The following YAP1 variants were observed in gnomAD, a reference collection of about 807,000 sequenced individuals.
YAP1 encodes the protein Yes1 associated transcriptional regulator, also known as transcriptional coactivator YAP1.
In YAP1, 5 loss-of-function variants were observed where a neutral mutation model predicts 56.9. The observed-to-expected ratio is 0.09, with a 90% CI of 0.05 to 0.18. The LOEUF is 0.18. Ranked by LOEUF, YAP1 falls within the 10% of genes least tolerant of loss-of-function variation. The pLI is 1.00. For missense variants in YAP1, 539 were observed against 651.8 expected (o/e 0.83, Z 1.88); for synonymous variants, 265 against 248.1 (o/e 1.07, Z -0.64).
chr11:102,142,971 T>C (rs1945105139), intron 2 of YAP1, among the ~76,000 whole-genome samples: 1 of 152,132 alleles, frequency 6.6e-6, no homozygotes, highest in Non-Finnish European at 1.5e-5. Flanking sequence ...TAACGTGTGT[T>C]ACCTCTTTTA....
At chr11:102,183,014 A>G (rs940989884) in intron 3 of YAP1, among the ~76,000 whole-genome samples, 1 of 152,236 alleles carries the variant, frequency 6.6e-6, no homozygotes, top group Admixed American at 6.5e-5. Flanking sequence ...GCAGCTATTC[A>G]GGTATTAGCC....
chr11:102,160,114 C>T (rs1009612833), intron 2 of YAP1, among the ~76,000 whole-genome samples: 1 of 151,412 alleles, frequency 6.6e-6, no homozygotes, highest in African/African-American at 2.4e-5. Flanking sequence ...ACCTCTGCCC[C>T]CTGGGTTTAA....
intron 2 of YAP1, among the ~76,000 whole-genome samples, chr11:102,150,802 GTTT>G (rs370378973): frequency 9.3e-6 from 1 of 108,046 alleles, no homozygotes; most frequent in South Asian, 3.9e-4. Context: ...CATACAAATG[GTTT>G]TTTTTTTTTT....
chr11:102,136,219 A>G (rs2135261313), intron 2 of YAP1, among the ~76,000 whole-genome samples: 1 of 151,852 alleles, frequency 6.6e-6, no homozygotes, highest in Non-Finnish European at 1.5e-5. Flanking sequence ...TTGGTCATTT[A>G]TTTTACTTTC....
At chr11:102,112,742 T>C in intron 1 of YAP1, 1 of 985,392 alleles carries the variant, frequency 1.0e-6, no homozygotes, top group Non-Finnish European at 1.2e-6. Flanking sequence ...TCAATTTGTC[T>C]TAGGTATGCT....
chr11:102,136,320 T>C (rs1677152088), intron 2 of YAP1, among the ~76,000 whole-genome samples: 1 of 152,068 alleles, frequency 6.6e-6, no homozygotes, highest in African/African-American at 2.4e-5. Context: ...AATCCTTCCA[T>C]GTGCCTAGGA....
Position 102,110,514 on chromosome 11 carries a change from A to G in YAP1, c.-335A>G, listed in dbSNP as rs879311891. 1.1e-4 allele frequency: 19 copies of G among 170,510 alleles called. No individual in the cohort carries two copies. Among genetic ancestry groups the G allele is most frequent in the Non-Finnish European group, 1.7e-4 (14 of 80,168 alleles). The allele number at this position is 170,510 out of a possible 1,614,324, so 10.6% of individuals were successfully genotyped here. A position where few individuals can be genotyped will look rare whatever the true frequency, so the allele number is the denominator to read the frequency against. On this transcript the variant is annotated 5_prime_UTR_variant, in exon 1 of 9. Transcript: ENST00000282441. ...AGGAAGGAACAAGAAAAGGAAATAAAGAGAAAGGGGAGGCGGGGAAAGGCA... is the reference window on the plus strand; with the variant it reads ...AGGAAGGAACAAGAAAAGGAAATAAGGAGAAAGGGGAGGCGGGGAAAGGCA...
chr11:102,197,969 A>G (rs917570116), intron 4 of YAP1, among the ~76,000 whole-genome samples: 1 of 152,210 alleles, frequency 6.6e-6, no homozygotes, highest in Middle Eastern at 3.2e-3. Flanking sequence ...AAGGTAAAGA[A>G]CAGGATGCTT....
chr11:102,215,477 T>C (rs576531211), intron 6 of YAP1, among the ~76,000 whole-genome samples: 38 of 152,314 alleles, frequency 2.5e-4, no homozygotes, highest in Admixed American at 3.9e-4. Flanking sequence ...TTAATTCTTA[T>C]GTTATTTTAT....
intron 3 of YAP1, among the ~76,000 whole-genome samples, chr11:102,169,484 A>G (rs1946785012): frequency 6.6e-6 from 1 of 152,216 alleles, no homozygotes; most frequent in South Asian, 2.1e-4. Flanking sequence ...TGAAGTCACA[A>G]TATATGGGAA....
intron 3 of YAP1, among the ~76,000 whole-genome samples, chr11:102,165,982 G>C (rs548967944): frequency 1.3e-5 from 2 of 152,320 alleles, no homozygotes; most frequent in East Asian, 3.9e-4. Flanking sequence ...CTCAAGAGAA[G>C]AGAATATTCA....
intron 6 of YAP1, among the ~76,000 whole-genome samples, chr11:102,210,782 T>G (rs563589441): frequency 5.9e-5 from 9 of 152,324 alleles, no homozygotes; most frequent in African/African-American, 9.6e-5. Flanking sequence ...AGATGGAGTT[T>G]CGCTCTGTTG....
chr11:102,188,132 T>G (rs901845353), intron 4 of YAP1, among the ~76,000 whole-genome samples: 2 of 152,242 alleles, frequency 1.3e-5, no homozygotes, highest in African/African-American at 4.8e-5. Flanking sequence ...TCAGAAGTTC[T>G]GCATAGTGGA....
intron 2 of YAP1, among the ~76,000 whole-genome samples, chr11:102,159,053 C>G (rs1040539426): frequency 5.9e-5 from 9 of 152,140 alleles, no homozygotes; most frequent in African/African-American, 2.2e-4. Context: ...TAATATTTTG[C>G]GGCATTTGGT....
At chr11:102,181,544 C>G (rs1947625720) in intron 3 of YAP1, among the ~76,000 whole-genome samples, 1 of 152,246 alleles carries the variant, frequency 6.6e-6, no homozygotes, top group East Asian at 1.9e-4. Context: ...TCTATCTGGT[C>G]ATTAAGGACA....
intron 2 of YAP1, among the ~76,000 whole-genome samples, chr11:102,131,674 C>A (rs2135233675): frequency 6.6e-6 from 1 of 152,200 alleles, no homozygotes; most frequent in East Asian, 1.9e-4. Context: ...TGAAAGTATC[C>A]CACAATGGCT....
intron 7 of YAP1, among the ~76,000 whole-genome samples, chr11:102,225,777 ATTTG>A (rs2135712384): frequency 6.6e-6 from 1 of 152,256 alleles, no homozygotes; most frequent in East Asian, 1.9e-4. Context: ...TCATTAGTAT[ATTTG>A]TTCATTTCCC....
chr11:102,111,650 C>G (rs1262158092), intron 1 of YAP1, among the ~76,000 whole-genome samples: 1 of 152,134 alleles, frequency 6.6e-6, no homozygotes, highest in Non-Finnish European at 1.5e-5. Context: ...GGGTGTGTTG[C>G]CAGCGGCGGC....
chr11:102,226,410 T>G (rs1950199083), intron 7 of YAP1, among the ~76,000 whole-genome samples: 1 of 152,224 alleles, frequency 6.6e-6, no homozygotes, highest in Admixed American at 6.5e-5. Flanking sequence ...CCTTGAGCAA[T>G]TGTTAAACTT....
Sources: allele counts gnomAD v4.1 joint callset (sites outside exome capture counted in the v4.1 genomes callset), GRCh38; gene constraint gnomAD v4.1.1; transcripts MANE v1.5; gene names NCBI Gene and HGNC (gene_info 2026-07-23, HGNC 2026-07-21).